The following PRKG1 variants were observed in gnomAD, a reference collection of about 807,000 sequenced individuals.
The protein encoded by PRKG1 is protein kinase cGMP-dependent 1, also known as cGMP-dependent protein kinase 1.
In PRKG1, 35 loss-of-function variants were observed where a neutral mutation model predicts 88.1. The observed-to-expected ratio is 0.40, with a 90% CI of 0.30 to 0.53. The LOEUF is 0.53. PRKG1 is among the 20% of genes least tolerant of loss of function. The probability of loss-of-function intolerance (pLI) is 0.59; values close to 1 mark genes in which losing one functional copy is unlikely to be tolerated. For synonymous variants in PRKG1, 303 were observed against 292.5 expected, an observed-to-expected ratio of 1.04 and a Z score of -0.37; for missense variants, 540 against 839.8, an observed-to-expected ratio of 0.64 and a Z score of 4.41.
chr10:51,543,637 T>C (rs10998031), intron 3 of PRKG1, among the ~76,000 whole-genome samples: 81,189 of 152,024 alleles, frequency 0.53, 22,533 homozygotes, highest in Non-Finnish European at 0.58. Context: ...AATTCAAACC[T>C]TTACCATTTG....
In PRKG1 at chr10:51,082,538, G is replaced by A. The variant is rs184769357; in HGVS notation, c.311+7637G>A. On this transcript the variant is annotated intron_variant, in intron 1 of 17. Coordinates refer to ENST00000373980, the MANE Select transcript of PRKG1 (RefSeq NM_006258.4). ...TGATGATTCTCCATGTAACTTTAAC[G>A]TGTAGCAAAATTTGATAACCACTCT... is the stretch of plus-strand genomic sequence containing the variant. 1.4e-4 allele frequency among the ~76,000 whole-genome samples: 21 copies of A among 152,210 alleles called. No individual in the cohort carries two copies. In the East Asian group the frequency reaches 3.3e-3, roughly 24 times the overall value.
At chr10:51,759,204 A>G (rs1283940474) in intron 3 of PRKG1, among the ~76,000 whole-genome samples, 1 of 152,132 alleles carries the variant, frequency 6.6e-6, no homozygotes, top group African/African-American at 2.4e-5. Flanking sequence ...TCCTTTGGGT[A>G]TATACCTAGA....
At chr10:51,018,083 T>C (rs896124998) in intron 1 of PRKG1, among the ~76,000 whole-genome samples, 2 of 152,060 alleles carry the variant, frequency 1.3e-5, no homozygotes, top group Non-Finnish European at 2.9e-5. Context: ...TGGCCTCCTA[T>C]AGGGTTGGGA....
At chr10:52,178,934 T>G (rs547396801) in intron 9 of PRKG1, among the ~76,000 whole-genome samples, 7 of 151,986 alleles carry the variant, frequency 4.6e-5, no homozygotes, top group South Asian at 2.1e-4. Flanking sequence ...GGGTGTTGTT[T>G]TTTTTTTTCT....
At chr10:51,280,461 C>G (rs995306447) in intron 2 of PRKG1, among the ~76,000 whole-genome samples, 5 of 152,058 alleles carry the variant, frequency 3.3e-5, no homozygotes, top group Admixed American at 2.6e-4. Context: ...ATCCTGCAGA[C>G]TGTTTTCCAA....
At chr10:51,422,464 A>G (rs532376413) in intron 2 of PRKG1, among the ~76,000 whole-genome samples, 1 of 152,252 alleles carries the variant, frequency 6.6e-6, no homozygotes, top group African/African-American at 2.4e-5. Context: ...GCTTTGCAAC[A>G]TCTCAGAGAA....
Position 51,525,060 on chromosome 10 carries a change from C to T in PRKG1, c.592+57224C>T, listed in dbSNP as rs1257805709. On this transcript the variant is annotated intron_variant, in intron 3 of 17. Coordinates refer to ENST00000373980, the MANE Select transcript of PRKG1 (RefSeq NM_006258.4). ...AGATTCAAGAAACATATCTGAATCACCTATAATCAGTATAAAGCACATCAC... is the reference window on the plus strand; with the variant it reads ...AGATTCAAGAAACATATCTGAATCATCTATAATCAGTATAAAGCACATCAC... Among the ~76,000 whole-genome samples, 3 of 151,722 alleles carry T rather than the reference C, an allele frequency of 2.0e-5. No individual in the cohort carries two copies. The East Asian group carries it at 5.8e-4, about 30-fold the overall frequency.
intron 3 of PRKG1, among the ~76,000 whole-genome samples, chr10:51,532,140 G>T (rs1842034712): frequency 1.3e-5 from 2 of 152,212 alleles, no homozygotes; most frequent in African/African-American, 4.8e-5. Context: ...AGTTAAAGCT[G>T]CAGCAGGAGC....
In PRKG1 at chr10:51,040,232, TTGTGTGTG is replaced by T. The variant is rs373057468; in HGVS notation, c.266+48621_266+48628del. ...AACACAGAATATCTTTCCATTCCATTTGTGTGTGTGTGTGTGTGTGTGTGTGTGTGTGT... is the reference window on the plus strand; with the variant it reads ...AACACAGAATATCTTTCCATTCCATTTGTGTGTGTGTGTGTGTGTGTGTGT... On this transcript the variant is annotated intron_variant, in intron 1 of 17. Transcript: ENST00000401604. Among the ~76,000 whole-genome samples the T allele has an allele frequency of 3.4e-3, 402 of 117,842 alleles. 5 individuals carry two copies. The highest frequency in any genetic ancestry group is 0.011 in the African/African-American group (348 of 31,084). The allele number at this position is 117,842 out of a possible 152,430, so 77.3% of individuals were successfully genotyped here. A position where few individuals can be genotyped will look rare whatever the true frequency, so the allele number is the denominator to read the frequency against.
chr10:51,060,681 C>T (rs918367569), intron 1 of PRKG1, among the ~76,000 whole-genome samples: 11 of 152,024 alleles, frequency 7.2e-5, no homozygotes, highest in African/African-American at 1.2e-4. Context: ...TCATATTTGT[C>T]CTTTCTATGA....
intron 2 of PRKG1, among the ~76,000 whole-genome samples, chr10:51,220,965 G>T (rs1838513375): frequency 6.6e-6 from 1 of 151,954 alleles, no homozygotes; most frequent in South Asian, 2.1e-4. Context: ...TAATCTTATA[G>T]TATAATATTT....
chr10:51,204,603 G>A (rs1197435149), intron 2 of PRKG1, among the ~76,000 whole-genome samples: 1 of 152,010 alleles, frequency 6.6e-6, no homozygotes, highest in South Asian at 2.1e-4. Context: ...AATTATTTCC[G>A]CAGGTCAAAA....
intron 5 of PRKG1, among the ~76,000 whole-genome samples, chr10:52,009,549 T>C (rs1456658222): frequency 6.6e-6 from 1 of 152,042 alleles, no homozygotes; most frequent in Non-Finnish European, 1.5e-5. Context: ...GAAAAACATT[T>C]CATGCCTAGG....
At chr10:51,351,271 C>T (rs1282975836) in intron 2 of PRKG1, among the ~76,000 whole-genome samples, 1 of 152,138 alleles carries the variant, frequency 6.6e-6, no homozygotes, top group African/African-American at 2.4e-5. Context: ...TGGGTATTTA[C>T]CCAGTAATGG....
intron 2 of PRKG1, among the ~76,000 whole-genome samples, chr10:51,342,692 A>G (rs1842027726): frequency 6.6e-6 from 1 of 152,194 alleles, no homozygotes; most frequent in African/African-American, 2.4e-5. Context: ...AAATTATACA[A>G]TAGACTTATA....
intron 7 of PRKG1, among the ~76,000 whole-genome samples, chr10:52,071,343 G>C (rs1846491957): frequency 6.6e-6 from 1 of 151,928 alleles, no homozygotes; most frequent in Non-Finnish European, 1.5e-5. Flanking sequence ...TCCCATGATG[G>C]TGTTCACATG....
At chr10:51,220,303 A>G (rs1838493818) in intron 2 of PRKG1, among the ~76,000 whole-genome samples, 1 of 152,220 alleles carries the variant, frequency 6.6e-6, no homozygotes, top group Non-Finnish European at 1.5e-5. Flanking sequence ...ATAAGAACCC[A>G]GCCAAACCCA....
chr10:51,986,229 C>T (rs1295202388), intron 5 of PRKG1, among the ~76,000 whole-genome samples: 1 of 152,160 alleles, frequency 6.6e-6, no homozygotes, highest in Admixed American at 6.5e-5. Context: ...TCAGGAACCA[C>T]CTGTACAATG....
chr10:51,168,948 A>G (rs1020025916), intron 2 of PRKG1, among the ~76,000 whole-genome samples: 1 of 152,150 alleles, frequency 6.6e-6, no homozygotes, highest in Non-Finnish European at 1.5e-5. Flanking sequence ...CTGTTTGTAC[A>G]CTTTCTGATG....
Sources: allele counts gnomAD v4.1 joint callset (sites outside exome capture counted in the v4.1 genomes callset), GRCh38; gene constraint gnomAD v4.1.1; transcripts MANE v1.5; gene names NCBI Gene and HGNC (gene_info 2026-07-23, HGNC 2026-07-21).